Variants in BLTP3B observed in about 807,000 individuals in gnomAD.
BLTP3B encodes the protein UHRF1 (ICBP90) binding protein 1-like.
At chr12:100,112,858 CAAA>C in the BLTP3B span, among the ~76,000 whole-genome samples, 5 of 60,586 alleles carry the variant, frequency 8.3e-5, no homozygotes, top group Non-Finnish European at 1.0e-4. Flanking sequence ...GACTCCATCT[CAAA>C]AAAAAAAAAA....
At chr12:100,097,402 G>T in the BLTP3B span, 1 of 1,612,932 alleles carries the variant, frequency 6.2e-7, no homozygotes. Flanking sequence ...TGATTGGTTG[G>T]TTATTAATCG....
the BLTP3B span, among the ~76,000 whole-genome samples, chr12:100,054,486 T>G: frequency 6.6e-6 from 1 of 152,190 alleles, no homozygotes; most frequent in African/African-American, 2.4e-5. Context: ...ATAAAATCAC[T>G]GATGCTTTCA....
chr12:100,102,141 G>A, the BLTP3B span, among the ~76,000 whole-genome samples: 454 of 132,016 alleles, frequency 3.4e-3, 1 homozygote, highest in Non-Finnish European at 5.7e-3. Flanking sequence ...ACGGAGTCTC[G>A]CTCTGTCACC....
chr12:100,116,566 C>G, the BLTP3B span, among the ~76,000 whole-genome samples: 1 of 151,440 alleles, frequency 6.6e-6, no homozygotes, highest in Non-Finnish European at 1.5e-5. Context: ...TAACTCTCAA[C>G]AAGACAGGAA....
chr12:100,045,027 G>T, the BLTP3B span, among the ~76,000 whole-genome samples: 19 of 152,194 alleles, frequency 1.2e-4, 1 homozygote, highest in Admixed American at 1.2e-3. Flanking sequence ...AAATACCTAG[G>T]AATCCAACTT....
the BLTP3B span, among the ~76,000 whole-genome samples, chr12:100,066,594 C>T: frequency 6.6e-6 from 1 of 151,074 alleles, no homozygotes; most frequent in African/African-American, 2.4e-5. Context: ...GAGATTGAGA[C>T]CATCCTGGCT....
At chr12:100,077,058 T>G in the BLTP3B span, among the ~76,000 whole-genome samples, 2 of 152,192 alleles carry the variant, frequency 1.3e-5, no homozygotes, top group African/African-American at 4.8e-5. Flanking sequence ...TCCTAAAATT[T>G]AAAGTCTTTT....
chr12:100,042,712 A>G, the BLTP3B span, among the ~76,000 whole-genome samples: 1 of 152,226 alleles, frequency 6.6e-6, no homozygotes, highest in East Asian at 1.9e-4. Flanking sequence ...CATGGCTGTC[A>G]TCAGTCAGCA....
the BLTP3B span, among the ~76,000 whole-genome samples, chr12:100,133,439 A>G: frequency 6.6e-6 from 1 of 152,208 alleles, no homozygotes; most frequent in African/African-American, 2.4e-5. Flanking sequence ...AGAATCTCCT[A>G]AGGGATACTA....
At chr12:100,043,395 AAG>A in the BLTP3B span, among the ~76,000 whole-genome samples, 1 of 152,210 alleles carries the variant, frequency 6.6e-6, no homozygotes, top group African/African-American at 2.4e-5. Flanking sequence ...CAATGAATGT[AAG>A]AGTTTATCTC....
the BLTP3B span, among the ~76,000 whole-genome samples, chr12:100,068,561 C>T: frequency 1.3e-5 from 2 of 152,142 alleles, no homozygotes; most frequent in Admixed American, 6.5e-5. Context: ...AGACAACCCA[C>T]AAAGTGGGAA....
At chr12:100,108,347 C>T in the BLTP3B span, 1 of 1,581,200 alleles carries the variant, frequency 6.3e-7, no homozygotes, top group Non-Finnish European at 8.5e-7. Flanking sequence ...ACATGAAAGG[C>T]CTTCCACAAA....
the BLTP3B span, among the ~76,000 whole-genome samples, chr12:100,077,388 T>C: frequency 6.6e-6 from 1 of 152,242 alleles, no homozygotes; most frequent in East Asian, 1.9e-4. Context: ...AACACATGAC[T>C]GTATATCGAA....
At chr12:100,048,771 A>AGAGTGTGT in the BLTP3B span, among the ~76,000 whole-genome samples, 3 of 114,972 alleles carry the variant, frequency 2.6e-5, no homozygotes, top group Non-Finnish European at 5.4e-5. Context: ...AGTGAGAGTG[A>AGAGTGTGT]GTGTGTGTGT....
At chr12:100,107,289 CAAAA>C in the BLTP3B span, among the ~76,000 whole-genome samples, 2 of 35,346 alleles carry the variant, frequency 5.7e-5, no homozygotes, top group Admixed American at 4.5e-4. Flanking sequence ...CTCCATCTCC[CAAAA>C]AAAAAAAAAA....
chr12:100,097,247 T>A, the BLTP3B span: 6 of 1,021,410 alleles, frequency 5.9e-6, 1 homozygote, highest in South Asian at 1.0e-4. Context: ...AATATGCCAA[T>A]ATTTCACCTA....
At chr12:100,086,278 C>A in the BLTP3B span, 1 of 1,440,316 alleles carries the variant, frequency 6.9e-7, no homozygotes, top group Non-Finnish European at 9.2e-7. Flanking sequence ...TACACACCTG[C>A]TTTATGATAA....
the BLTP3B span, among the ~76,000 whole-genome samples, chr12:100,107,717 A>G: frequency 6.6e-6 from 1 of 152,144 alleles, no homozygotes; most frequent in Non-Finnish European, 1.5e-5. Context: ...TCTTCATTTG[A>G]AAAGTATTTA....
chr12:100,137,244 A>G, the BLTP3B span, among the ~76,000 whole-genome samples: 1 of 152,082 alleles, frequency 6.6e-6, no homozygotes, highest in Non-Finnish European at 1.5e-5. Context: ...CCTAGATAGC[A>G]TTCCCAATCC....
Sources: gnomAD v4.1 joint callset for allele counts (sites outside exome capture counted in the v4.1 genomes callset) on GRCh38, gnomAD v4.1.1 for gene constraint, MANE v1.5 for transcripts, NCBI Gene and HGNC (gene_info 2026-07-23, HGNC 2026-07-21) for gene names.